Variants in ADGRL3 observed in about 807,000 individuals in gnomAD.
The protein encoded by ADGRL3 is adhesion G protein-coupled receptor L3, also known as calcium-independent alpha-latrotoxin receptor 3.
In ADGRL3, 62 loss-of-function variants were observed where a neutral mutation model predicts 153.5. The observed-to-expected ratio is 0.40, with a 90% confidence interval of 0.33 to 0.50. The LOEUF is 0.50. Ranked by LOEUF, ADGRL3 falls within the 20% of genes least tolerant of loss-of-function variation. ADGRL3 has a pLI of 0.47. For synonymous variants in ADGRL3, 710 were observed against 672.5 expected, an observed-to-expected ratio of 1.06 and a Z score of -0.86; for missense variants, 1,641 against 1,859.4, an observed-to-expected ratio of 0.88 and a Z score of 2.16.
chr4:62,027,364 T>C (rs901778727), intron 21 of ADGRL3, among the ~76,000 whole-genome samples: 1 of 152,012 alleles, frequency 6.6e-6, no homozygotes, highest in Non-Finnish European at 1.5e-5. Context: ...TCTGTGATGA[T>C]GGACATGTCC....
chr4:61,380,500 C>T (rs1292401546), intron 1 of ADGRL3, among the ~76,000 whole-genome samples: 1 of 151,706 alleles, frequency 6.6e-6, no homozygotes, highest in Non-Finnish European at 1.5e-5. Context: ...TTTTATTTTG[C>T]ATTTTGGAGA....
intron 21 of ADGRL3, among the ~76,000 whole-genome samples, chr4:62,006,284 C>T (rs572204990): frequency 1.6e-4 from 24 of 151,850 alleles, no homozygotes; most frequent in African/African-American, 5.8e-4. Context: ...GATCAGCCCG[C>T]TTTGGCCTCC....
intron 1 of ADGRL3, among the ~76,000 whole-genome samples, chr4:61,224,207 A>G (rs943062601): frequency 1.6e-4 from 25 of 152,192 alleles, no homozygotes; most frequent in Non-Finnish European, 2.9e-5. Flanking sequence ...GCTTCCAGAC[A>G]ACTTTAAATA....
At chr4:61,574,319 C>A (rs908483952) in intron 4 of ADGRL3, among the ~76,000 whole-genome samples, 2 of 151,792 alleles carry the variant, frequency 1.3e-5, no homozygotes, top group Non-Finnish European at 2.9e-5. Flanking sequence ...AGAATAATTG[C>A]AATAAGGTAT....
chr4:61,624,356 G>T (rs886372387), intron 5 of ADGRL3, among the ~76,000 whole-genome samples: 1 of 152,004 alleles, frequency 6.6e-6, no homozygotes, highest in Non-Finnish European at 1.5e-5. Flanking sequence ...GTGAAGAATG[G>T]GATATAGAAA....
intron 5 of ADGRL3, among the ~76,000 whole-genome samples, chr4:61,587,656 C>T (rs1243274582): frequency 1.3e-5 from 2 of 152,052 alleles, no homozygotes; most frequent in Non-Finnish European, 2.9e-5. Context: ...TATTACATTT[C>T]ATGGTCTGCA....
intron 11 of ADGRL3, among the ~76,000 whole-genome samples, chr4:61,903,649 G>GAA (rs2098677764): frequency 6.3e-5 from 1 of 15,764 alleles, no homozygotes; most frequent in Non-Finnish European, 9.6e-5. Context: ...TTGGGAAACA[G>GAA]CAAAAAAAAA....
Position 61,322,807 on chromosome 4 carries a change from C to T in ADGRL3, c.-239-60317C>T, listed in dbSNP as rs772623888. ...ATTGAGTGCAGCTTTTCCAGGCACA[C>T]GGTGCAAGCTGTCAGTGTATCTACC... On this transcript the variant is annotated intron_variant, in intron 1 of 26. Transcript: ENST00000683033. 5.9e-5 allele frequency among the ~76,000 whole-genome samples: 9 copies of T among 152,280 alleles called. No individual in the cohort carries two copies. The East Asian group carries it at 7.8e-4, about 13-fold the overall frequency.
intron 1 of ADGRL3, among the ~76,000 whole-genome samples, chr4:61,272,458 G>T (rs189699619): frequency 2.4e-4 from 37 of 152,062 alleles, no homozygotes; most frequent in Middle Eastern, 6.8e-3. Context: ...GTCTATATCT[G>T]CCCTGCATTT....
intron 3 of ADGRL3, among the ~76,000 whole-genome samples, chr4:61,512,226 A>G (rs1276489995): frequency 6.6e-6 from 1 of 152,180 alleles, no homozygotes; most frequent in Non-Finnish European, 1.5e-5. Context: ...TTTACACAAT[A>G]CTTTCCTGTT....
intron 9 of ADGRL3, among the ~76,000 whole-genome samples, chr4:61,831,806 G>A (rs975363597): frequency 1.3e-5 from 2 of 152,050 alleles, no homozygotes; most frequent in Non-Finnish European, 2.9e-5. Flanking sequence ...TTTAGGGGGT[G>A]CAAGCTTCCC....
At chr4:61,640,571 T>A (rs1241355601) in intron 5 of ADGRL3, among the ~76,000 whole-genome samples, 1 of 152,212 alleles carries the variant, frequency 6.6e-6, no homozygotes, top group East Asian at 1.9e-4. Flanking sequence ...TGTGGAATAG[T>A]TCTATGATGG....
At chr4:61,309,218 A>G (rs2094910837) in intron 1 of ADGRL3, among the ~76,000 whole-genome samples, 5 of 152,206 alleles carry the variant, frequency 3.3e-5, no homozygotes, top group Admixed American at 3.3e-4. Flanking sequence ...TGAATTCAGT[A>G]AATTAAAAGA....
chr4:61,869,369 C>A (rs980459283), intron 9 of ADGRL3, among the ~76,000 whole-genome samples: 1 of 151,918 alleles, frequency 6.6e-6, no homozygotes, highest in African/African-American at 2.4e-5. Context: ...GAGGCCGAGG[C>A]GGGTGGATCA....
At chr4:61,556,974 G>A (rs1485521965) in intron 4 of ADGRL3, among the ~76,000 whole-genome samples, 2 of 152,146 alleles carry the variant, frequency 1.3e-5, no homozygotes, top group African/African-American at 2.4e-5. Flanking sequence ...GCACAAGAAT[G>A]TCTGGGCCAA....
chr4:61,988,069 G>T (rs1307345739), intron 19 of ADGRL3, among the ~76,000 whole-genome samples: 1 of 152,014 alleles, frequency 6.6e-6, no homozygotes, highest in Non-Finnish European at 1.5e-5. Context: ...CCATCTGGCT[G>T]ATGGATTTTG....
Position 62,023,716 on chromosome 4 carries a change from T to TA in ADGRL3, c.3396-5137dup, listed in dbSNP as rs547052351. Reference sequence around the variant, plus strand: ...GCCTCAGAATATGGTAACTTTTTTTTAACAATAAAGTATTTTTAAATCAAG... The same window carrying TA: ...GCCTCAGAATATGGTAACTTTTTTTTAAACAATAAAGTATTTTTAAATCAAG... On this transcript the variant is annotated intron_variant, in intron 21 of 26. Coordinates refer to ENST00000683033, the MANE Select transcript of ADGRL3 (RefSeq NM_001387552.1). 5.3e-5 allele frequency among the ~76,000 whole-genome samples: 8 copies of TA among 152,280 alleles called. No homozygotes were observed. The East Asian group carries it at 1.5e-3, about 29-fold the overall frequency.
At chr4:61,496,890 G>A (rs1271604863) in intron 2 of ADGRL3, among the ~76,000 whole-genome samples, 5 of 151,270 alleles carry the variant, frequency 3.3e-5, no homozygotes, top group Admixed American at 2.6e-4. Flanking sequence ...GCAGTGAGCC[G>A]AGATCGCGCC....
chr4:61,591,752 A>G (rs1043582979), intron 5 of ADGRL3, among the ~76,000 whole-genome samples: 3 of 151,988 alleles, frequency 2.0e-5, no homozygotes, highest in African/African-American at 7.2e-5. Flanking sequence ...GTTCACATAT[A>G]ATAGTCACAT....
Sources: allele counts gnomAD v4.1 joint callset (sites outside exome capture counted in the v4.1 genomes callset), GRCh38; gene constraint gnomAD v4.1.1; transcripts MANE v1.5; gene names NCBI Gene and HGNC (gene_info 2026-07-23, HGNC 2026-07-21).